The following KYNU variants were observed in gnomAD, a reference collection of about 807,000 sequenced individuals.
KYNU encodes the protein L-kynurenine hydrolase.
In KYNU, 54 loss-of-function variants were observed where a neutral mutation model predicts 59.2. The ratio of observed to expected loss-of-function variants is 0.91; its 90% confidence interval spans 0.73 to 1.14. The LOEUF (loss-of-function observed/expected upper bound fraction) is 1.14, where lower values mean the gene tolerates loss of function less well. Among genes scored for constraint, KYNU ranks in the 50% most tolerant of loss-of-function variants. KYNU has a pLI of 0.00. For synonymous variants in KYNU, 177 were observed against 192.0 expected, an observed-to-expected ratio of 0.92 and a Z score of 0.65; for missense variants, 567 against 554.4, an observed-to-expected ratio of 1.02 and a Z score of -0.23.
rs550615706 is a variant in KYNU at position 142,992,961 on chromosome 2, T to C, written c.902+6940T>C. Among the ~76,000 whole-genome samples the C allele has an allele frequency of 1.3e-4, 20 of 152,152 alleles. No individual in the cohort carries two copies. In the East Asian group the frequency reaches 3.9e-3, roughly 30 times the overall value. On this transcript the variant is annotated intron_variant, in intron 10 of 13. Transcript: ENST00000264170. ...TGCCATAAGGCAGCCTCTGATTAATTACTGGGTGAATTCTCAGACTGCTTT... is the reference window on the plus strand; with the variant it reads ...TGCCATAAGGCAGCCTCTGATTAATCACTGGGTGAATTCTCAGACTGCTTT...
rs1321485979 is a variant in KYNU at position 142,985,316 on chromosome 2, TGTTAATCGA to T, written c.828+139_828+147del. The T allele has an allele frequency of 7.2e-6, 5 of 690,804 alleles. No individual in the cohort carries two copies. In the East Asian group the frequency reaches 1.4e-4, roughly 19 times the overall value. 42.8% of individuals were successfully genotyped at this position (690,804 alleles called of 1,614,324 possible). On this transcript the variant is annotated intron_variant, in intron 9 of 13. Coordinates refer to ENST00000264170, the MANE Select transcript of KYNU (RefSeq NM_003937.3). Reference sequence around the variant, plus strand: ...TTCTTTTATTGTATTTTCTGCTTTTTGTTAATCGAGTTATATGATGGAATAGTATGATAA... The same window carrying T: ...TTCTTTTATTGTATTTTCTGCTTTTTGTTATATGATGGAATAGTATGATAA...
intron 10 of KYNU, 50 bp downstream of exon 10, chr2:142,986,071 A>G: frequency 1.6e-6 from 2 of 1,235,134 alleles, no homozygotes; most frequent in East Asian, 2.3e-5. Flanking sequence ...ATTAATTTGC[A>G]TTAATAATAT....
chr2:143,012,139 A>G (rs1686123905), intron 10 of KYNU, among the ~76,000 whole-genome samples: 1 of 152,106 alleles, frequency 6.6e-6, no homozygotes, highest in Admixed American at 6.5e-5. Context: ...TCTCCAAAAT[A>G]CAAAATGTTT....
rs1558989820 is a variant in KYNU, at chr2:143,042,060, A to G, written c.1286A>G (p.Asn429Ser). The G allele has an allele frequency of 9.3e-6, 15 of 1,611,824 alleles. No homozygotes were observed. Among genetic ancestry groups the G allele is most frequent in the Admixed American group, 1.7e-5 (1 of 59,802 alleles). The change falls in exon 14 of 14, where the codon AAT (asparagine) becomes AGT (serine). Residue 429 changes from asparagine (N) to serine (S), a missense_variant. Physicochemically the swap from Asn to Ser is conservative, Grantham distance 46. Transcript: ENST00000264170. Reference protein sequence around the residue: ...EKRGVVCDKRNPNGIRVAPVP... With the variant: ...EKRGVVCDKRSPNGIRVAPVP... ...TTTTCCCCACAGTGTGACAAGCGGA[A>G]TCCAAATGGCATTCGAGTGGCTCCA...
chr2:142,988,913 C>G lies in KYNU; in HGVS notation c.902+2892C>G, dbSNP rs200744584. ...GACAAGTCAAGGACAAGGTATTTTC[C>G]AGTCATCACTTCATTGTCCCTGATA... is the stretch of plus-strand genomic sequence containing the variant. On this transcript the variant is annotated intron_variant, in intron 10 of 13. Coordinates refer to ENST00000264170, the MANE Select transcript of KYNU (RefSeq NM_003937.3). 2.5e-4 allele frequency: 397 copies of G among 1,593,750 alleles called. 1 individual carries two copies. Among genetic ancestry groups the G allele is most frequent in the Admixed American group, 3.7e-4 (22 of 59,722 alleles).
chr2:142,891,248 C>G (rs1045086451), intron 2 of KYNU, among the ~76,000 whole-genome samples: 2 of 151,986 alleles, frequency 1.3e-5, no homozygotes, highest in African/African-American at 4.8e-5. Context: ...CATTATAATC[C>G]AATTTTAGAA....
rs577231410 is a variant in KYNU, at chr2:143,041,375, G to A, written c.1273-672G>A. 8.5e-5 allele frequency among the ~76,000 whole-genome samples: 13 copies of A among 152,128 alleles called. 1 individual carries two copies. The highest frequency in any genetic ancestry group is 5.8e-4 in the East Asian group (3 of 5,186). ...AGTTTCTAAATCAAACTCTGCTGTCGTCAAACTCTGTCCTCTTTGGAAAGT... is the reference window on the plus strand; with the variant it reads ...AGTTTCTAAATCAAACTCTGCTGTCATCAAACTCTGTCCTCTTTGGAAAGT... On this transcript the variant is annotated intron_variant, in intron 13 of 13. Transcript: ENST00000264170.
chr2:142,929,136 A>G (rs944469233), intron 4 of KYNU, among the ~76,000 whole-genome samples: 2 of 151,864 alleles, frequency 1.3e-5, no homozygotes, highest in African/African-American at 4.8e-5. Context: ...AAGAAATATA[A>G]AATTAATCAC....
At chr2:142,923,116 C>G (rs914137579) in intron 3 of KYNU, among the ~76,000 whole-genome samples, 1 of 152,214 alleles carries the variant, frequency 6.6e-6, no homozygotes, top group African/African-American at 2.4e-5. Flanking sequence ...CCTCTTAATA[C>G]TGTCACATTG....
In KYNU at chr2:142,891,386, G is replaced by GAA. The variant is rs1295905011; in HGVS notation, c.169+5858_169+5859dup. 2.0e-5 allele frequency among the ~76,000 whole-genome samples: 3 copies of GAA among 148,524 alleles called. No homozygotes were observed. In the East Asian group the frequency reaches 5.9e-4, roughly 29 times the overall value. On this transcript the variant is annotated intron_variant, in intron 2 of 13. Coordinates refer to ENST00000264170, the MANE Select transcript of KYNU (RefSeq NM_003937.3). ...TTTTTACTATTAAACTATATTTGGAGAAAAAAAAACGGTGCTGCTTTCAAT... is the reference window on the plus strand; with the variant it reads ...TTTTTACTATTAAACTATATTTGGAGAAAAAAAAAAACGGTGCTGCTTTCAAT...
chr2:142,884,967 G>C (rs1209301853), intron 1 of KYNU, among the ~76,000 whole-genome samples: 8 of 147,544 alleles, frequency 5.4e-5, no homozygotes, highest in Non-Finnish European at 9.0e-5. Context: ...GGCCAAGCGT[G>C]GTGGCTCATG....
At position 142,910,131 on chromosome 2, in the gene KYNU, CT is replaced by C. The variant is rs368644903; in HGVS notation, c.170-8459del. 6.0e-3 allele frequency among the ~76,000 whole-genome samples: 636 copies of C among 105,442 alleles called. 3 individuals are homozygous for C. Among genetic ancestry groups the C allele is most frequent in the Non-Finnish European group, 8.1e-3 (462 of 57,162 alleles). The allele number at this position is 105,442 out of a possible 152,430, so 69.2% of individuals were successfully genotyped here. A position where few individuals can be genotyped will look rare whatever the true frequency, so the allele number is the denominator to read the frequency against. ...AGAAGTGTCTATTCATGTTCTTTGCCTTTTTTTTTTTTTTTTTTTCTTTGAG... is the reference window on the plus strand; with the variant it reads ...AGAAGTGTCTATTCATGTTCTTTGCCTTTTTTTTTTTTTTTTTTCTTTGAG... On this transcript the variant is annotated intron_variant, in intron 2 of 13. Transcript: ENST00000264170.
chr2:142,940,920 T>C (rs888322759), intron 4 of KYNU, among the ~76,000 whole-genome samples: 10 of 152,210 alleles, frequency 6.6e-5, no homozygotes, highest in African/African-American at 2.2e-4. Context: ...CAGTTTACTA[T>C]AAAGATACAA....
chr2:142,920,708 T>C (rs927951147), intron 3 of KYNU, among the ~76,000 whole-genome samples: 1 of 152,228 alleles, frequency 6.6e-6, no homozygotes, highest in East Asian at 1.9e-4. Flanking sequence ...CTTCAGGCAA[T>C]GTACAGTGAA....
At chr2:142,896,811 G>C (rs188782700) in intron 2 of KYNU, among the ~76,000 whole-genome samples, 2 of 152,160 alleles carry the variant, frequency 1.3e-5, no homozygotes, top group East Asian at 1.9e-4. Context: ...GCATTTCAGC[G>C]TACAAGTTGT....
intron 2 of KYNU, among the ~76,000 whole-genome samples, chr2:142,888,384 G>A (rs1167252187): frequency 6.6e-6 from 1 of 152,142 alleles, no homozygotes; most frequent in Non-Finnish European, 1.5e-5. Flanking sequence ...CCTAAGCCCA[G>A]TAGTTCAAGG....
rs1417624805 is a variant in KYNU, at chr2:143,045,694, C to T, written c.*3522C>T. 6.6e-6 allele frequency: 1 copy of T among 151,996 alleles called. No individual in the cohort carries two copies. The highest frequency in any genetic ancestry group is 1.9e-4 in the East Asian group (1 of 5,184). The allele number at this position is 151,996 out of a possible 1,614,324, so 9.4% of individuals were successfully genotyped here. ...TTATTTTAAAGATGGAAGATGATGT[C>T]TCTCTATGTAACTCAGGCAGGTCTC... On this transcript the variant is annotated 3_prime_UTR_variant, in exon 14 of 14. Transcript: ENST00000264170.
At chr2:142,900,629 A>G (rs1321476682) in intron 2 of KYNU, among the ~76,000 whole-genome samples, 1 of 152,218 alleles carries the variant, frequency 6.6e-6, no homozygotes, top group East Asian at 1.9e-4. Flanking sequence ...TCACCTTCCC[A>G]GCTAGGCTTA....
chr2:142,948,026 TA>T (rs1489284217), intron 4 of KYNU: 1 of 152,172 alleles, frequency 6.6e-6, no homozygotes, highest in Non-Finnish European at 1.5e-5. Flanking sequence ...ACCAGATTTT[TA>T]AGATCTAATA....
Sources: gnomAD v4.1 joint callset for allele counts (sites outside exome capture counted in the v4.1 genomes callset) on GRCh38, gnomAD v4.1.1 for gene constraint, MANE v1.5 for transcripts, NCBI Gene and HGNC (gene_info 2026-07-23, HGNC 2026-07-21) for gene names.